THSD4: variants seen among roughly 807,000 people sequenced by gnomAD.
THSD4 encodes thrombospondin type 1 domain containing 4.
In THSD4, 69 loss-of-function variants were observed where a neutral mutation model predicts 119.0. That is an observed-to-expected ratio of 0.58 (90% CI 0.48 to 0.71). The LOEUF (loss-of-function observed/expected upper bound fraction) is 0.71. THSD4 is among the 30% of genes least tolerant of loss of function. The probability of loss-of-function intolerance (pLI) is 0.00; values close to 1 mark genes in which losing one functional copy is unlikely to be tolerated. For missense variants in THSD4, 1,393 were observed against 1,391.1 expected, an observed-to-expected ratio of 1.00 and a Z score of -0.02; for synonymous variants, 524 against 540.4, an observed-to-expected ratio of 0.97 and a Z score of 0.42.
At chr15:71,500,230 A>G (rs2048089777) in intron 7 of THSD4, among the ~76,000 whole-genome samples, 1 of 152,036 alleles carries the variant, frequency 6.6e-6, no homozygotes, top group Admixed American at 6.6e-5. Flanking sequence ...TTCCTTGATA[A>G]TTAATTTTGA....
intron 1 of THSD4, among the ~76,000 whole-genome samples, chr15:71,139,766 G>T (rs559169145): frequency 6.6e-6 from 1 of 152,310 alleles, no homozygotes; most frequent in Non-Finnish European, 1.5e-5. Flanking sequence ...CTGGTGAAAA[G>T]GAAGTCTGAA....
chr15:71,363,336 C>A (rs1053259400), intron 6 of THSD4, among the ~76,000 whole-genome samples: 1 of 152,184 alleles, frequency 6.6e-6, no homozygotes, highest in African/African-American at 2.4e-5. Context: ...CCATAGTTTG[C>A]CAACCTTGGT....
At chr15:71,463,108 T>C (rs1477174660) in intron 7 of THSD4, among the ~76,000 whole-genome samples, 1 of 152,230 alleles carries the variant, frequency 6.6e-6, no homozygotes, top group Non-Finnish European at 1.5e-5. Flanking sequence ...GTTGGTTTTT[T>C]GAACCTAAAT....
chr15:71,232,693 C>G (rs115120000), intron 4 of THSD4, among the ~76,000 whole-genome samples: 2,368 of 152,084 alleles, frequency 0.016, 66 homozygotes, highest in African/African-American at 0.055. Flanking sequence ...GGAAGGGAGA[C>G]GAAGACCGGA....
chr15:71,157,712 A>G (rs1207575050), intron 3 of THSD4, among the ~76,000 whole-genome samples: 2 of 134,286 alleles, frequency 1.5e-5, no homozygotes, highest in African/African-American at 5.7e-5. Flanking sequence ...CAGATTCCAC[A>G]TATGAGTGAG....
chr15:71,680,779 C>A (rs1358939486), intron 8 of THSD4, among the ~76,000 whole-genome samples: 1 of 152,126 alleles, frequency 6.6e-6, no homozygotes, highest in African/African-American at 2.4e-5. Flanking sequence ...ATTTTCTTTA[C>A]CTGTAAGATG....
At chr15:71,464,577 A>G (rs2047474284) in intron 7 of THSD4, among the ~76,000 whole-genome samples, 2 of 152,092 alleles carry the variant, frequency 1.3e-5, no homozygotes, top group African/African-American at 4.8e-5. Context: ...TCTTGCCCTG[A>G]GTTTTTCATG....
chr15:71,470,413 G>A (rs1193278617), intron 7 of THSD4, among the ~76,000 whole-genome samples: 1 of 152,192 alleles, frequency 6.6e-6, no homozygotes, highest in East Asian at 1.9e-4. Context: ...TAAAACCCAA[G>A]TGATAACCAC....
At chr15:71,645,335 CA>C (rs577675047) in intron 7 of THSD4, among the ~76,000 whole-genome samples, 2 of 152,288 alleles carry the variant, frequency 1.3e-5, no homozygotes, top group East Asian at 3.9e-4. Flanking sequence ...TGTCCTTCTT[CA>C]CATGATGGCA....
At chr15:71,523,842 A>T (rs2048477497) in intron 7 of THSD4, among the ~76,000 whole-genome samples, 1 of 152,234 alleles carries the variant, frequency 6.6e-6, no homozygotes, top group South Asian at 2.1e-4. Context: ...GTGCTACAGA[A>T]TGCTGGATCT....
chr15:71,241,234 G>A (rs957756830), intron 4 of THSD4, among the ~76,000 whole-genome samples: 1 of 152,192 alleles, frequency 6.6e-6, no homozygotes, highest in African/African-American at 2.4e-5. Flanking sequence ...GAGTTGGAGC[G>A]ACCTTGGCGG....
intron 7 of THSD4, among the ~76,000 whole-genome samples, chr15:71,485,270 A>G (rs145901274): frequency 0.01 from 1,581 of 152,268 alleles, 27 homozygotes; most frequent in African/African-American, 0.036. Flanking sequence ...GACCTTAAGA[A>G]ATGAGTTCTA....
At chr15:71,649,523 T>C (rs890170513) in intron 7 of THSD4, among the ~76,000 whole-genome samples, 4 of 152,164 alleles carry the variant, frequency 2.6e-5, no homozygotes, top group Admixed American at 1.3e-4. Flanking sequence ...GTGATCTGCC[T>C]ACCTCAGCCT....
chr15:71,467,734 A>C (rs969816645), intron 7 of THSD4, among the ~76,000 whole-genome samples: 1 of 152,206 alleles, frequency 6.6e-6, no homozygotes, highest in Non-Finnish European at 1.5e-5. Context: ...TGTAGCTTCC[A>C]TAATTCCCAT....
intron 6 of THSD4, among the ~76,000 whole-genome samples, chr15:71,399,574 A>G (rs867704567): frequency 6.6e-6 from 1 of 152,188 alleles, no homozygotes; most frequent in Non-Finnish European, 1.5e-5. Context: ...ATCAATTTTT[A>G]TGTTAGCTAT....
chr15:71,414,579 G>T (rs2046734067), intron 7 of THSD4, among the ~76,000 whole-genome samples: 1 of 152,206 alleles, frequency 6.6e-6, no homozygotes, highest in African/African-American at 2.4e-5. Context: ...ATAAATATAT[G>T]GTGGTAAGAT....
At chr15:71,138,408 T>C (rs990580329) in intron 1 of THSD4, among the ~76,000 whole-genome samples, 1 of 152,156 alleles carries the variant, frequency 6.6e-6, no homozygotes, top group African/African-American at 2.4e-5. Flanking sequence ...GAGATTTGGG[T>C]GGAGACACAG....
At chr15:71,197,739 A>G (rs961443885) in intron 3 of THSD4, among the ~76,000 whole-genome samples, 2 of 151,644 alleles carry the variant, frequency 1.3e-5, no homozygotes, top group African/African-American at 4.8e-5. Context: ...TGCTGCCCCC[A>G]CTGGACTGTC....
chr15:71,743,782 T>C (rs2053280865), intron 11 of THSD4, among the ~76,000 whole-genome samples: 1 of 152,256 alleles, frequency 6.6e-6, no homozygotes, highest in Non-Finnish European at 1.5e-5. Context: ...CAGTGTGTCA[T>C]ACAAGATGAG....
Sources: gnomAD v4.1 joint callset for allele counts (sites outside exome capture counted in the v4.1 genomes callset) on GRCh38, gnomAD v4.1.1 for gene constraint, MANE v1.5 for transcripts, NCBI Gene and HGNC (gene_info 2026-07-23, HGNC 2026-07-21) for gene names.